ABR: variants seen among roughly 807,000 people sequenced by gnomAD.
ABR encodes active breakpoint cluster region-related protein.
A neutral mutation model predicts 107.2 loss-of-function variants in ABR; 35 were observed. The observed-to-expected ratio is 0.33, with a 90% CI of 0.25 to 0.43. The LOEUF is 0.43. ABR is among the 20% of genes least tolerant of loss of function. ABR has a pLI of 1.00. For synonymous variants in ABR, 498 were observed against 462.0 expected (o/e 1.08, Z -1.00); for missense variants, 815 against 1,115.2 (o/e 0.73, Z 3.83).
upstream of ABR, among the ~76,000 whole-genome samples, chr17:1,180,220 C>T (rs527644262): frequency 2.6e-5 from 4 of 152,126 alleles, no homozygotes; most frequent in South Asian, 8.3e-4. Flanking sequence ...CCCCCTCGTC[C>T]CCCCCGCGCC....
At chr17:1,214,662 G>A (rs533734794) in intron 1 of ABR, among the ~76,000 whole-genome samples, 87 of 152,078 alleles carry the variant, frequency 5.7e-4, no homozygotes, top group Non-Finnish European at 1.0e-3. Flanking sequence ...TTAGCCAGGC[G>A]TAGTGGCACA....
intron 1 of ABR, among the ~76,000 whole-genome samples, chr17:1,215,724 T>A (rs1416442816): frequency 6.6e-6 from 1 of 152,022 alleles, no homozygotes; most frequent in African/African-American, 2.4e-5. Context: ...GGCGGTTTTG[T>A]CGAATAGAAA....
At position 1,166,496 on chromosome 17, in the gene ABR, G is replaced by A. The variant is rs374975610; in HGVS notation, c.61+13171C>T. ...AGAGGCTCAGTGTGGCCGGAGGCCC[G>A]GGGGTGTGGCAGTGGGGCCAGGAGG... On this transcript the variant is annotated intron_variant, in intron 1 of 22. Transcript: ENST00000302538. 1.2e-3 allele frequency among the ~76,000 whole-genome samples: 180 copies of A among 152,312 alleles called. 6 individuals are homozygous for A. In the South Asian group the frequency reaches 0.035, roughly 30 times the overall value.
At chr17:1,061,363 G>A (rs1431007118) in intron 10 of ABR, among the ~76,000 whole-genome samples, 1 of 152,180 alleles carries the variant, frequency 6.6e-6, no homozygotes, top group Non-Finnish European at 1.5e-5. Flanking sequence ...TGGCGAGGAA[G>A]CCCTCTGGGC....
Position 1,009,670 on chromosome 17 carries a change from C to G in ABR, c.2342+9G>C. ...CTGAGGAGGTGGGGTTGGGGCCGCT[C>G]CCCGTTACCTTTTCAAGTGTTCCAG... On this transcript the variant is annotated intron_variant, in intron 21 of 22. Coordinates refer to ENST00000302538, the MANE Select transcript of ABR (RefSeq NM_021962.5). 6.2e-7 allele frequency: 1 copy of G among 1,612,094 alleles called. No homozygotes were observed. Among genetic ancestry groups the G allele is most frequent in the African/African-American group, 1.3e-5 (1 of 74,954 alleles).
At position 1,210,015 on chromosome 17, in the gene ABR, A is replaced by G. The variant is rs2042871591; in HGVS notation, c.838+18778T>C. Among the ~76,000 whole-genome samples the G allele has an allele frequency of 1.3e-5, 2 of 152,232 alleles. No homozygotes were observed. Among genetic ancestry groups the G allele is most frequent in the African/African-American group, 4.8e-5 (2 of 41,464 alleles). ...GATACATATGCCAAAGTGCCTTCAG[A>G]ACCTCCAACAAATTAAAAAAAGAAA... On this transcript the variant is annotated intron_variant, in intron 1 of 22. Coordinates refer to the ABR transcript ENST00000574139. The surrounding 1 kb of genome is among the most constrained non-coding windows in gnomAD (Gnocchi z 5.6).
At chr17:1,056,211 G>C in intron 13 of ABR, 102 bp from the exon 14 acceptor site, 2 of 1,030,866 alleles carry the variant, frequency 1.9e-6, no homozygotes, top group Non-Finnish European at 3.0e-6. Flanking sequence ...ACTCAGCTGA[G>C]TCTTGGTCCA....
rs955251972 is a variant in ABR at position 1,179,888 on chromosome 17, G to A, written c.-161C>T. 32 of 664,914 alleles carry A rather than the reference G, an allele frequency of 4.8e-5. No homozygotes were observed. The highest frequency in any genetic ancestry group is 7.2e-5 in the Non-Finnish European group (32 of 446,382). The allele number at this position is 664,914 out of a possible 1,614,324, so 41.2% of individuals were successfully genotyped here. A position where few individuals can be genotyped will look rare whatever the true frequency, so the allele number is the denominator to read the frequency against. On this transcript the variant is annotated 5_prime_UTR_variant, in exon 1 of 23. Transcript: ENST00000302538. This position sits in a 1 kb window ranked among gnomAD's most constrained non-coding sequence, Gnocchi z 4.9. ...GGAGCGCGGGGCGGCCGGGGCAGGG[G>A]CGAGGGCGGGGCGGGAGCCCCCAAA...
intron 1 of ABR, among the ~76,000 whole-genome samples, chr17:1,132,865 G>A (rs2039907836): frequency 6.6e-6 from 1 of 152,116 alleles, no homozygotes; most frequent in African/African-American, 2.4e-5. Context: ...TGTCAAATTG[G>A]CAAGGATTTT....
At chr17:1,058,208 C>T (rs1204987976) in intron 11 of ABR, among the ~76,000 whole-genome samples, 163 bp from the exon 12 acceptor site, 1 of 144,530 alleles carries the variant, frequency 6.9e-6, no homozygotes, top group African/African-American at 2.5e-5. Context: ...GGCAAAATCT[C>T]GGCTCACTGC....
At chr17:1,180,631 C>A (rs960799540), upstream of ABR, among the ~76,000 whole-genome samples, 1 of 152,192 alleles carries the variant, frequency 6.6e-6, no homozygotes. Flanking sequence ...CCACGCGTTC[C>A]CCTCCAGGAC....
intron 16 of ABR, among the ~76,000 whole-genome samples, chr17:1,046,154 C>T (rs1567643989): frequency 1.3e-5 from 2 of 151,566 alleles, no homozygotes; most frequent in African/African-American, 4.9e-5. Flanking sequence ...TACAGGCACG[C>T]ACGACCACCC....
At chr17:1,095,446 G>A (rs1033316650) in intron 3 of ABR, among the ~76,000 whole-genome samples, 9 of 152,186 alleles carry the variant, frequency 5.9e-5, no homozygotes, top group Non-Finnish European at 1.3e-4. Flanking sequence ...CCTCGAGGCC[G>A]TTATTTGTCT....
intron 1 of ABR, among the ~76,000 whole-genome samples, chr17:1,217,578 A>G (rs1162832759): frequency 1.3e-5 from 2 of 152,022 alleles, no homozygotes; most frequent in Non-Finnish European, 2.9e-5. Context: ...TAGCCTACAA[A>G]TATAAACACT....
chr17:1,049,886 G>A (rs1189509526), intron 16 of ABR, 164 bp downstream of exon 16: 3 of 970,544 alleles, frequency 3.1e-6, no homozygotes, highest in Non-Finnish European at 3.0e-6. Flanking sequence ...GCCACAACAG[G>A]CAGCCACCTC....
At chr17:1,101,734 CTT>C (rs796580737) in intron 2 of ABR, among the ~76,000 whole-genome samples, 52 of 140,686 alleles carry the variant, frequency 3.7e-4, no homozygotes, top group Admixed American at 5.7e-4. Flanking sequence ...TTTATTTTTT[CTT>C]TTTTTTTTTT....
At chr17:1,111,478 C>T (rs1216201706) in intron 2 of ABR, among the ~76,000 whole-genome samples, 2 of 151,106 alleles carry the variant, frequency 1.3e-5, no homozygotes, top group African/African-American at 4.9e-5. Flanking sequence ...CTGAGCCAGC[C>T]CTGGACCTGA....
chr17:1,070,439 G>A lies in ABR; in HGVS notation c.895-349C>T, dbSNP rs1191521364. Among the ~76,000 whole-genome samples, 1 of 152,158 alleles carries A rather than the reference G, an allele frequency of 6.6e-6. No homozygotes were observed. The highest frequency in any genetic ancestry group is 1.5e-5 in the Non-Finnish European group (1 of 68,024). ...GCACATTAAGTGTGTGCAACGCACG[G>A]GGCTCTCCGCGGCTAACCCTGGAGC... is the stretch of plus-strand genomic sequence containing the variant. On this transcript the variant is annotated intron_variant, in intron 8 of 22. Transcript: ENST00000302538. This position sits in a 1 kb window ranked among gnomAD's most constrained non-coding sequence, Gnocchi z 4.2.
intron 16 of ABR, among the ~76,000 whole-genome samples, chr17:1,040,244 C>A (rs1454942455): frequency 6.6e-6 from 1 of 152,164 alleles, no homozygotes; most frequent in African/African-American, 2.4e-5. Flanking sequence ...GGACAAGACA[C>A]CCCTTGGGGG....
Sources: allele counts gnomAD v4.1 joint callset (sites outside exome capture counted in the v4.1 genomes callset), GRCh38; gene constraint gnomAD v4.1.1; non-coding constraint Gnocchi (gnomAD v3.1); transcripts MANE v1.5; gene names NCBI Gene and HGNC (gene_info 2026-07-23, HGNC 2026-07-21).